The following PTDSS1 variants were observed in gnomAD, a reference collection of about 807,000 sequenced individuals.
PTDSS1 encodes phosphatidylserine synthase 1.
Under a neutral mutation model 70.5 loss-of-function variants are expected in PTDSS1, and 45 were observed. The observed-to-expected ratio is 0.64, with a 90% CI of 0.50 to 0.82. PTDSS1 has a LOEUF of 0.82. Ranked by LOEUF, PTDSS1 falls within the 40% of genes least tolerant of loss-of-function variation. The probability of loss-of-function intolerance (pLI) is 0.00; values close to 1 mark genes in which losing one functional copy is unlikely to be tolerated. For synonymous variants in PTDSS1, 188 were observed against 203.8 expected (o/e 0.92, Z 0.66); for missense variants, 417 against 586.1 (o/e 0.71, Z 2.98).
intron 2 of PTDSS1, among the ~76,000 whole-genome samples, chr8:96,277,626 C>G (rs16894402): frequency 6.6e-6 from 1 of 152,174 alleles, no homozygotes; most frequent in Non-Finnish European, 1.5e-5. Context: ...GAAAAATTTT[C>G]TGGCAACTTG....
chr8:96,328,616 A>G (rs1811471160), intron 10 of PTDSS1, among the ~76,000 whole-genome samples: 1 of 152,204 alleles, frequency 6.6e-6, no homozygotes, highest in Non-Finnish European at 1.5e-5. Context: ...CCACGCTGCC[A>G]CTGTTCCTGC....
intron 10 of PTDSS1, among the ~76,000 whole-genome samples, chr8:96,324,125 T>C (rs1234724009): frequency 6.6e-6 from 1 of 152,220 alleles, no homozygotes; most frequent in Admixed American, 6.5e-5. Context: ...TTCCAATCCT[T>C]GCTCCTCATT....
chr8:96,275,077 G>C (rs1171774871), intron 2 of PTDSS1, among the ~76,000 whole-genome samples: 1 of 152,164 alleles, frequency 6.6e-6, no homozygotes, highest in Non-Finnish European at 1.5e-5. Flanking sequence ...ACGGTATGAA[G>C]ACAAGTTGTG....
At chr8:96,264,028 C>A (rs1293283321) in intron 1 of PTDSS1, among the ~76,000 whole-genome samples, 1 of 152,230 alleles carries the variant, frequency 6.6e-6, no homozygotes, top group African/African-American at 2.4e-5. Flanking sequence ...GATCTTGCCA[C>A]TATTACTATA....
chr8:96,299,030 A>G (rs1811014635), intron 5 of PTDSS1, among the ~76,000 whole-genome samples: 2 of 149,196 alleles, frequency 1.3e-5, no homozygotes. Flanking sequence ...ACAGAGCAAG[A>G]CTCTGTCTCA....
chr8:96,267,886 C>G (rs886631595), intron 1 of PTDSS1, among the ~76,000 whole-genome samples: 1 of 152,212 alleles, frequency 6.6e-6, no homozygotes, highest in Non-Finnish European at 1.5e-5. Context: ...CTCCCGCCAC[C>G]TCCTGCCCAC....
At chr8:96,284,625 G>T (rs954321337) in intron 3 of PTDSS1, among the ~76,000 whole-genome samples, 1 of 152,122 alleles carries the variant, frequency 6.6e-6, no homozygotes, top group Non-Finnish European at 1.5e-5. Context: ...TGAACTAAGG[G>T]TTAGAAATAA....
At chr8:96,277,599 A>C (rs1339434459) in intron 2 of PTDSS1, among the ~76,000 whole-genome samples, 1 of 152,262 alleles carries the variant, frequency 6.6e-6, no homozygotes, top group Non-Finnish European at 1.5e-5. Flanking sequence ...AAGTGCCTGC[A>C]GTGGATAGCA....
At chr8:96,288,029 G>A (rs948716253) in intron 4 of PTDSS1, among the ~76,000 whole-genome samples, 8 of 152,152 alleles carry the variant, frequency 5.3e-5, no homozygotes, top group Non-Finnish European at 1.5e-5. Context: ...TGACCAATCA[G>A]CTACAAATCA....
chr8:96,297,109 GC>G (rs1483912606), intron 5 of PTDSS1, among the ~76,000 whole-genome samples: 1 of 152,152 alleles, frequency 6.6e-6, no homozygotes, highest in Admixed American at 6.5e-5. Context: ...ACTATTTATT[GC>G]CAAATGATCC....
chr8:96,287,337 T>C, intron 4 of PTDSS1, 191 bp downstream of exon 4: 2 of 680,590 alleles, frequency 2.9e-6, no homozygotes, highest in Non-Finnish European at 4.7e-6. Context: ...AAGAAAATCC[T>C]CTCATTACGC....
chr8:96,291,822 T>C (rs1411068715), intron 4 of PTDSS1, among the ~76,000 whole-genome samples: 1 of 152,202 alleles, frequency 6.6e-6, no homozygotes, highest in Non-Finnish European at 1.5e-5. Flanking sequence ...GATCAGTTTT[T>C]ATAGTGGGAC....
At chr8:96,303,732 G>A (rs1262889837) in intron 6 of PTDSS1, among the ~76,000 whole-genome samples, 2 of 152,180 alleles carry the variant, frequency 1.3e-5, no homozygotes, top group African/African-American at 4.8e-5. Flanking sequence ...GGAAGAAATA[G>A]GGTAAAGAAG....
chr8:96,324,478 A>G (rs1438546805), intron 10 of PTDSS1, among the ~76,000 whole-genome samples: 2 of 152,244 alleles, frequency 1.3e-5, no homozygotes, highest in African/African-American at 4.8e-5. Flanking sequence ...TCAAAAGAAA[A>G]TAAGTTTATT....
intron 3 of PTDSS1, among the ~76,000 whole-genome samples, chr8:96,285,666 A>G (rs20322): frequency 0.074 from 11,246 of 152,124 alleles, 463 homozygotes; most frequent in African/African-American, 0.082. Context: ...GAGCCCTTTG[A>G]TAATCCGATG....
At chr8:96,305,918 C>A (rs1300683505) in intron 7 of PTDSS1, among the ~76,000 whole-genome samples, 1 of 152,118 alleles carries the variant, frequency 6.6e-6, no homozygotes, top group Admixed American at 6.5e-5. Context: ...TTACCTCAGG[C>A]GATCTGCCCG....
chr8:96,286,769 A>C (rs1810828339), intron 3 of PTDSS1, among the ~76,000 whole-genome samples: 1 of 152,162 alleles, frequency 6.6e-6, no homozygotes, highest in South Asian at 2.1e-4. Context: ...CCTTTGCCTC[A>C]TGATCCTTCA....
At chr8:96,275,197 T>G (rs1810623174) in intron 2 of PTDSS1, among the ~76,000 whole-genome samples, 1 of 152,034 alleles carries the variant, frequency 6.6e-6, no homozygotes, top group Admixed American at 6.5e-5. Context: ...CAGGCTGGAG[T>G]GCAATAGCTA....
At chr8:96,330,510 G>C (rs1053540125) in intron 11 of PTDSS1, 1 of 525,206 alleles carries the variant, frequency 1.9e-6, no homozygotes, top group Non-Finnish European at 3.4e-6. Context: ...ACTTTTGTTA[G>C]ATAAAAAAAG....
Sources: gnomAD v4.1 joint callset for allele counts (sites outside exome capture counted in the v4.1 genomes callset) on GRCh38, gnomAD v4.1.1 for gene constraint, MANE v1.5 for transcripts, NCBI Gene and HGNC (gene_info 2026-07-23, HGNC 2026-07-21) for gene names.